AOX1: variants seen among roughly 807,000 people sequenced by gnomAD.
AOX1 encodes aldehyde oxidase.
Under a neutral mutation model 169.5 loss-of-function variants are expected in AOX1, and 153 were observed. That is an observed-to-expected ratio of 0.90 (90% CI 0.79 to 1.03). AOX1 has a LOEUF of 1.03. Among genes scored for constraint, AOX1 ranks in the 50% least tolerant of loss-of-function variants. AOX1 has a pLI of 0.00. For missense variants in AOX1, 1,656 were observed against 1,663.9 expected (o/e 1.00, Z 0.08); for synonymous variants, 562 against 581.9 (o/e 0.97, Z 0.49).
At chr2:200,663,355 G>A (rs1228432329) in intron 31 of AOX1, among the ~76,000 whole-genome samples, 1 of 152,108 alleles carries the variant, frequency 6.6e-6, no homozygotes, top group African/African-American at 2.4e-5. Context: ...CTGCTAACAA[G>A]CACCAAGCCA....
intron 25 of AOX1, among the ~76,000 whole-genome samples, chr2:200,649,659 C>G (rs774189121): frequency 1.3e-5 from 2 of 152,188 alleles, no homozygotes; most frequent in South Asian, 2.1e-4. Flanking sequence ...GTCTCAGCCC[C>G]AACTTTGTTT....
chr2:200,639,450 T>C (rs145296364), intron 23 of AOX1, among the ~76,000 whole-genome samples: 188 of 152,284 alleles, frequency 1.2e-3, no homozygotes, highest in Middle Eastern at 6.8e-3. Context: ...TACAATAGGA[T>C]TTGTTAAATG....
At chr2:200,634,009 A>G (rs2035178540) in intron 20 of AOX1, among the ~76,000 whole-genome samples, 1 of 152,054 alleles carries the variant, frequency 6.6e-6, no homozygotes, top group African/African-American at 2.4e-5. Context: ...GGGTGGAACT[A>G]TAGATTTCCT....
At chr2:200,630,830 A>G (rs1411105662) in intron 20 of AOX1, among the ~76,000 whole-genome samples, 3 of 152,126 alleles carry the variant, frequency 2.0e-5, no homozygotes, top group Non-Finnish European at 4.4e-5. Flanking sequence ...TAAGTGTCCC[A>G]CACTGGGGCC....
chr2:200,657,161 C>CAAAAAAA (rs67071824), intron 27 of AOX1, among the ~76,000 whole-genome samples: 1,321 of 82,528 alleles, frequency 0.016, 39 homozygotes, highest in East Asian at 0.049. Flanking sequence ...CCATCTCTAC[C>CAAAAAAA]AAAAATATAT....
chr2:200,659,598 G>C (rs1038059021), intron 28 of AOX1, among the ~76,000 whole-genome samples: 11 of 152,154 alleles, frequency 7.2e-5, no homozygotes, highest in Non-Finnish European at 1.6e-4. Flanking sequence ...CCCCAGGGCC[G>C]ATGCAGGACT....
intron 21 of AOX1, among the ~76,000 whole-genome samples, chr2:200,635,845 G>A (rs2035218712): frequency 6.6e-6 from 1 of 152,144 alleles, no homozygotes; most frequent in Non-Finnish European, 1.5e-5. Flanking sequence ...TAGCAGAGGA[G>A]TAGGAATGTG....
exon 5 of AOX1, chr2:200,676,999 G>C (rs941748735): frequency 1.1e-5 from 5 of 461,468 alleles, no homozygotes; most frequent in Non-Finnish European, 1.8e-5. Flanking sequence ...AACTTGGTTT[G>C]TTTGTATGTG....
Position 200,634,800 on chromosome 2 carries a change from A to G in AOX1, c.2231A>G (p.His744Arg), listed in dbSNP as rs1231124697. The G allele has an allele frequency of 1.2e-6, 2 of 1,613,926 alleles. No individual in the cohort carries two copies. Among genetic ancestry groups the G allele is most frequent in the South Asian group, 1.1e-5 (1 of 91,090 alleles). ...TATTTTCCTGTAACAGGTGAAATACATATGGGAGGTCAAGAACATTTTTAT... is the reference window on the plus strand; with the variant it reads ...TATTTTCCTGTAACAGGTGAAATACGTATGGGAGGTCAAGAACATTTTTAT... ...VVDQILEGEI[H>R]MGGQEHFYME... The change falls in exon 21 of 35, where the codon CAT becomes CGT. Residue 744 changes from histidine (H) to arginine (R), a missense_variant. His to Arg is a conservative substitution (Grantham distance 29). Coordinates refer to ENST00000374700, the MANE Select transcript of AOX1 (RefSeq NM_001159.4).
At position 200,668,677 on chromosome 2, in the gene AOX1, C is replaced by T. The variant is rs573674487; in HGVS notation, c.3672C>T (p.Pro1224=). The change falls in exon 33 of 35, where the codon CCC becomes CCT. Residue 1224 remains proline, a synonymous_variant. Transcript: ENST00000374700. ...LYTIEELNYS[P]QGILHTRGPD... ...CAATAGAGGAACTGAATTATTCTCC[C>T]CAGGGCATTCTGCACACTCGTGGTC... 1 of 1,614,114 alleles carries T rather than the reference C, an allele frequency of 6.2e-7. No homozygotes were observed. The highest frequency in any genetic ancestry group is 1.1e-5 in the South Asian group (1 of 91,066).
At chr2:200,587,658 T>C (rs2034067040) in intron 1 of AOX1, among the ~76,000 whole-genome samples, 1 of 152,190 alleles carries the variant, frequency 6.6e-6, no homozygotes, top group Non-Finnish European at 1.5e-5. Flanking sequence ...TAAGGGTCAT[T>C]AGGACCCCTT....
chr2:200,595,317 G>A lies in AOX1; in HGVS notation c.149G>A (p.Gly50Asp), dbSNP rs770724673. Residue 50 changes from glycine (G) to aspartate (D), a missense_variant, in exon 3 of 35, where the codon GGT (glycine) becomes GAT (aspartate). Coordinates refer to ENST00000374700, the MANE Select transcript of AOX1 (RefSeq NM_001159.4). ...TKYGCGGGGC[G>D]ACTVMISRYN... Reference sequence around the variant, plus strand: ...TATGGCTGTGGAGGAGGAGGCTGTGGTGCTTGTACAGTGATGATATCACGA... The same window carrying A: ...TATGGCTGTGGAGGAGGAGGCTGTGATGCTTGTACAGTGATGATATCACGA... The A allele has an allele frequency of 3.1e-6, 5 of 1,613,222 alleles. No individual in the cohort carries two copies. In the South Asian group the frequency reaches 5.5e-5, roughly 18 times the overall value.
rs186670296 is a variant in AOX1 at position 200,644,982 on chromosome 2, C to T, written c.2847+2181C>T. On this transcript the variant is annotated intron_variant, in intron 25 of 34. Coordinates refer to ENST00000374700, the MANE Select transcript of AOX1 (RefSeq NM_001159.4). ...GGGTTTTCAAGGTAAATGATTATAT[C>T]GTCAGCAAACAGTGACGGTTTGACT... Among the ~76,000 whole-genome samples the T allele has an allele frequency of 1.1e-4, 16 of 152,154 alleles. No homozygotes were observed. In the East Asian group the frequency reaches 2.5e-3, roughly 24 times the overall value.
At chr2:200,612,027 T>TTC (rs2034651471) in intron 13 of AOX1, among the ~76,000 whole-genome samples, 1 of 152,128 alleles carries the variant, frequency 6.6e-6, no homozygotes, top group African/African-American at 2.4e-5. Context: ...TTCTCGCTCT[T>TTC]TCTCCCCCTA....
At chr2:200,649,693 T>C (rs1456176461) in intron 25 of AOX1, among the ~76,000 whole-genome samples, 1 of 152,190 alleles carries the variant, frequency 6.6e-6, no homozygotes, top group Non-Finnish European at 1.5e-5. Context: ...TTCCCCTTCC[T>C]GGCTCCTCCT....
At position 200,627,452 on chromosome 2, in the gene AOX1, A is replaced by G; in HGVS notation, c.2221+3A>G. The G allele has an allele frequency of 6.3e-7, 1 of 1,599,978 alleles. No individual in the cohort carries two copies. Among genetic ancestry groups the G allele is most frequent in the Non-Finnish European group, 8.6e-7 (1 of 1,167,314 alleles). Reference sequence around the variant, plus strand: ...AGTGGTTGATCAAATTCTTGAAGGTAAAAAGTAATGGAAGAGTAAACAACC... The same window carrying G: ...AGTGGTTGATCAAATTCTTGAAGGTGAAAAGTAATGGAAGAGTAAACAACC... On this transcript the variant is annotated splice_donor_region_variant and intron_variant, in intron 20 of 34. Transcript: ENST00000374700.
At chr2:200,626,828 G>A (rs2035014707) in intron 19 of AOX1, among the ~76,000 whole-genome samples, 1 of 152,216 alleles carries the variant, frequency 6.6e-6, no homozygotes, top group African/African-American at 2.4e-5. Context: ...TGCAATATAA[G>A]CTCTTCACGT....
chr2:200,655,056 A>T (rs923357967), intron 26 of AOX1, among the ~76,000 whole-genome samples: 2 of 152,246 alleles, frequency 1.3e-5, no homozygotes, highest in African/African-American at 4.8e-5. Flanking sequence ...CACATGGGCC[A>T]AGTCCAACTA....
At chr2:200,643,375 GTA>G (rs750400718) in intron 25 of AOX1, among the ~76,000 whole-genome samples, 29 of 140,406 alleles carry the variant, frequency 2.1e-4, no homozygotes, top group South Asian at 1.1e-3. Context: ...ATATATATGT[GTA>G]TATATATATA....
Sources: allele counts gnomAD v4.1 joint callset (sites outside exome capture counted in the v4.1 genomes callset), GRCh38; gene constraint gnomAD v4.1.1; transcripts MANE v1.5; gene names NCBI Gene and HGNC (gene_info 2026-07-23, HGNC 2026-07-21).